BCAS4: variants seen among roughly 807,000 people sequenced by gnomAD.
BCAS4 encodes the protein breast carcinoma-amplified sequence 4.
Under a neutral mutation model 15.7 loss-of-function variants are expected in BCAS4, and 9 were observed. The observed-to-expected ratio is 0.57, with a 90% CI of 0.34 to 1.00. BCAS4 has a LOEUF of 1.00. BCAS4 is among the 50% of genes least tolerant of loss of function. The pLI is 0.02. For synonymous variants in BCAS4, 101 were observed against 99.5 expected (o/e 1.02, Z -0.09); for missense variants, 225 against 239.1 (o/e 0.94, Z 0.39).
chr20:50,797,600 G>T (rs2087881126), intron 1 of BCAS4, among the ~76,000 whole-genome samples: 1 of 152,108 alleles, frequency 6.6e-6, no homozygotes, highest in African/African-American at 2.4e-5. Flanking sequence ...AAAATAACAT[G>T]AGCATGTATC....
At chr20:50,866,996 G>A (rs1472408656) in intron 4 of BCAS4, among the ~76,000 whole-genome samples, 1 of 152,156 alleles carries the variant, frequency 6.6e-6, no homozygotes, top group Non-Finnish European at 1.5e-5. Context: ...AGAGGCTGGG[G>A]CTTGGTTTAT....
intron 3 of BCAS4, among the ~76,000 whole-genome samples, chr20:50,834,268 T>A (rs2088379550): frequency 6.6e-6 from 1 of 151,048 alleles, no homozygotes; most frequent in Non-Finnish European, 1.5e-5. Context: ...ACTAAGTTGC[T>A]GCCCAGGCTG....
At chr20:50,867,787 G>C (rs751570660) in intron 4 of BCAS4, among the ~76,000 whole-genome samples, 2 of 152,210 alleles carry the variant, frequency 1.3e-5, no homozygotes, top group Non-Finnish European at 2.9e-5. Context: ...GGTGGCGCAC[G>C]CGTGTAATCC....
chr20:50,874,988 A>ATCCT (rs1979848963), intron 4 of BCAS4, among the ~76,000 whole-genome samples: 1 of 152,152 alleles, frequency 6.6e-6, no homozygotes, highest in Non-Finnish European at 1.5e-5. Context: ...TTGACCATGC[A>ATCCT]TCCTTGCTCA....
At chr20:50,824,465 G>T (rs182355959) in intron 2 of BCAS4, among the ~76,000 whole-genome samples, 2 of 152,278 alleles carry the variant, frequency 1.3e-5, no homozygotes, top group East Asian at 3.9e-4. Flanking sequence ...AAGGGTCTGG[G>T]GCCTCCAGGC....
intron 1 of BCAS4, among the ~76,000 whole-genome samples, chr20:50,812,469 C>T (rs1333790562): frequency 6.9e-6 from 1 of 144,336 alleles, no homozygotes; most frequent in East Asian, 2.0e-4. Flanking sequence ...TAGAGTCTTG[C>T]TCTCTCGCCC....
At chr20:50,833,435 T>C (rs1428979021) in intron 3 of BCAS4, among the ~76,000 whole-genome samples, 1 of 152,214 alleles carries the variant, frequency 6.6e-6, no homozygotes, top group Non-Finnish European at 1.5e-5. Context: ...AATTCTTTGT[T>C]GTGGGGCTGT....
rs115184988 is a variant in BCAS4 at position 50,831,793 on chromosome 20, C to T, written c.264+1413C>T. Among the ~76,000 whole-genome samples the T allele has an allele frequency of 6.1e-3, 922 of 152,234 alleles. 12 individuals carry two copies. Among genetic ancestry groups the T allele is most frequent in the African/African-American group, 0.021 (887 of 41,536 alleles). On this transcript the variant is annotated intron_variant, in intron 3 of 4. Transcript: ENST00000371608. ...GGACCCGGAGGCTGAGAGGAGCTTG[C>T]GGTTGTGTCATAGTCACCTGGCCAG...
chr20:50,819,476 T>C (rs2088186588), intron 2 of BCAS4, among the ~76,000 whole-genome samples: 2 of 152,036 alleles, frequency 1.3e-5, no homozygotes, highest in Admixed American at 6.6e-5. Flanking sequence ...CTGAGAGTGT[T>C]TGTGAGAACC....
At chr20:50,853,171 G>GTC (rs1978539148) in intron 4 of BCAS4, among the ~76,000 whole-genome samples, 1 of 112,474 alleles carries the variant, frequency 8.9e-6, no homozygotes, top group Non-Finnish European at 1.7e-5. Flanking sequence ...TTGAGTCGTA[G>GTC]TCTTGCTCTG....
chr20:50,864,846 C>A (rs773556836), intron 4 of BCAS4, among the ~76,000 whole-genome samples: 2 of 151,886 alleles, frequency 1.3e-5, no homozygotes, highest in Non-Finnish European at 2.9e-5. Flanking sequence ...GTAATTCCAG[C>A]ACTTTGGGAG....
intron 4 of BCAS4, among the ~76,000 whole-genome samples, chr20:50,864,439 A>ATTTT (rs397866091): frequency 3.1e-5 from 3 of 97,882 alleles, no homozygotes; most frequent in Non-Finnish European, 3.9e-5. Context: ...ATCATGATTG[A>ATTTT]TTTTTTTTTT....
intron 1 of BCAS4, among the ~76,000 whole-genome samples, chr20:50,816,791 ATTTTTTTT>A (rs35600563): frequency 1.4e-4 from 11 of 80,924 alleles, no homozygotes; most frequent in South Asian, 4.4e-4. Flanking sequence ...TGCCTGGCTA[ATTTTTTTT>A]TTTTTTTTTT....
chr20:50,845,323 C>T (rs986191168), intron 4 of BCAS4, among the ~76,000 whole-genome samples: 1 of 152,124 alleles, frequency 6.6e-6, no homozygotes, highest in Non-Finnish European at 1.5e-5. Flanking sequence ...GGTGCCCAGG[C>T]ATTCTCAGTG....
intron 4 of BCAS4, among the ~76,000 whole-genome samples, chr20:50,874,542 A>G (rs777700374): frequency 6.6e-6 from 1 of 152,176 alleles, no homozygotes; most frequent in Non-Finnish European, 1.5e-5. Flanking sequence ...TGTCCCCACT[A>G]AGTGCCATGC....
intron 1 of BCAS4, among the ~76,000 whole-genome samples, chr20:50,796,543 G>A (rs1314839289): frequency 4.0e-5 from 4 of 100,948 alleles, no homozygotes; most frequent in Non-Finnish European, 5.4e-5. Flanking sequence ...TCACCAGGCT[G>A]GAGTGCATTG....
intron 2 of BCAS4, among the ~76,000 whole-genome samples, chr20:50,826,143 A>G (rs929151426): frequency 6.6e-6 from 1 of 152,222 alleles, no homozygotes; most frequent in Non-Finnish European, 1.5e-5. Context: ...GGAATTAATT[A>G]TCTGCTCTTT....
rs991488062 is a variant in BCAS4, at chr20:50,826,095, C to T, written c.163-4184C>T. 5.3e-5 allele frequency among the ~76,000 whole-genome samples: 8 copies of T among 152,258 alleles called. 1 individual carries two copies. The highest frequency in any genetic ancestry group is 2.4e-5 in the African/African-American group (1 of 41,530). ...TTCTTTAGAAATTAACAGAAGGATACGATTCAAGTTTGTTCCCCGGTGCTC... is the reference window on the plus strand; with the variant it reads ...TTCTTTAGAAATTAACAGAAGGATATGATTCAAGTTTGTTCCCCGGTGCTC... On this transcript the variant is annotated intron_variant, in intron 2 of 4. Transcript: ENST00000371608.
chr20:50,836,216 G>A (rs1257628627), intron 3 of BCAS4, among the ~76,000 whole-genome samples: 1 of 152,174 alleles, frequency 6.6e-6, no homozygotes, highest in Non-Finnish European at 1.5e-5. Flanking sequence ...GCGCCTGGCT[G>A]GTGATGTATT....
Sources: gnomAD v4.1 joint callset for allele counts (sites outside exome capture counted in the v4.1 genomes callset) on GRCh38, gnomAD v4.1.1 for gene constraint, MANE v1.5 for transcripts, NCBI Gene and HGNC (gene_info 2026-07-23, HGNC 2026-07-21) for gene names.